The following NEO1 variants were observed in gnomAD, a reference collection of about 807,000 sequenced individuals.
The protein encoded by NEO1 is neogenin 1.
Under a neutral mutation model 159.7 loss-of-function variants are expected in NEO1, and 63 were observed. That is an observed-to-expected ratio of 0.39 (90% confidence interval 0.32 to 0.49). The LOEUF is 0.49. NEO1 is among the 20% of genes least tolerant of loss of function. The pLI is 0.85. For synonymous variants in NEO1, 633 were observed against 662.0 expected (o/e 0.96, Z 0.67); for missense variants, 1,615 against 1,831.0 (o/e 0.88, Z 2.15).
chr15:73,275,265 TTC>T (rs1284794657), intron 21 of NEO1, among the ~76,000 whole-genome samples: 1 of 152,228 alleles, frequency 6.6e-6, no homozygotes, highest in Non-Finnish European at 1.5e-5. Context: ...GCTTTGTTTA[TTC>T]TGTTACCATA....
intron 23 of NEO1, among the ~76,000 whole-genome samples, chr15:73,285,152 G>T (rs1052748601): frequency 6.6e-6 from 1 of 151,860 alleles, no homozygotes; most frequent in South Asian, 2.1e-4. Flanking sequence ...CAGGATTTTG[G>T]TCTGTCACCC....
chr15:73,157,755 C>T (rs2033884860), intron 5 of NEO1, among the ~76,000 whole-genome samples: 3 of 152,186 alleles, frequency 2.0e-5, no homozygotes, highest in Admixed American at 2.0e-4. Flanking sequence ...GCTGGAAATG[C>T]TTCTACTCAG....
intron 1 of NEO1, among the ~76,000 whole-genome samples, chr15:73,083,624 A>G (rs560427995): frequency 3.3e-5 from 5 of 152,090 alleles, no homozygotes; most frequent in South Asian, 2.1e-4. Context: ...AATATGTTTT[A>G]TATATGTTTT....
chr15:73,191,082 G>A lies in NEO1; in HGVS notation c.1291+12655G>A, dbSNP rs1011371912. Among the ~76,000 whole-genome samples, 8 of 152,072 alleles carry A rather than the reference G, an allele frequency of 5.3e-5. No homozygotes were observed. In the South Asian group the frequency reaches 1.2e-3, roughly 24 times the overall value. On this transcript the variant is annotated intron_variant, in intron 7 of 28. Coordinates refer to ENST00000261908, the MANE Select transcript of NEO1 (RefSeq NM_002499.4). ...ATATGTTGTTTGCAGACAGATTGAG[G>A]CATTTCCAGTTAATGATTTTATGTA...
chr15:73,076,552 A>G (rs1301682654), intron 1 of NEO1, among the ~76,000 whole-genome samples: 2 of 152,222 alleles, frequency 1.3e-5, no homozygotes, highest in African/African-American at 4.8e-5. Flanking sequence ...GACAGTAAGC[A>G]TGAGAGGACC....
At chr15:73,122,133 A>ATGT (rs59846331) in intron 2 of NEO1, among the ~76,000 whole-genome samples, 1 of 146,440 alleles carries the variant, frequency 6.8e-6, no homozygotes, top group South Asian at 2.1e-4. Flanking sequence ...AGCAATGAAT[A>ATGT]AAGACTAGAC....
chr15:73,225,539 G>T (rs755098743), intron 7 of NEO1, among the ~76,000 whole-genome samples: 1 of 152,098 alleles, frequency 6.6e-6, no homozygotes, highest in Non-Finnish European at 1.5e-5. Flanking sequence ...CATTATGGCT[G>T]CCTCTGCTGA....
chr15:73,117,293 G>T (rs1052123459), intron 2 of NEO1, among the ~76,000 whole-genome samples: 1 of 152,150 alleles, frequency 6.6e-6, no homozygotes, highest in Non-Finnish European at 1.5e-5. Flanking sequence ...TGGATTAATT[G>T]TTTTAAAATC....
chr15:73,065,544 A>G (rs544353097), intron 1 of NEO1, among the ~76,000 whole-genome samples: 69 of 152,294 alleles, frequency 4.5e-4, no homozygotes, highest in African/African-American at 1.5e-3. Context: ...ACTGAACTCT[A>G]TCTTTTCTAG....
intron 8 of NEO1, among the ~76,000 whole-genome samples, chr15:73,236,930 T>A (rs938087441): frequency 1.3e-5 from 2 of 152,182 alleles, no homozygotes; most frequent in African/African-American, 4.8e-5. Context: ...TGACTTTTCC[T>A]AAAATAGCAT....
intron 7 of NEO1, among the ~76,000 whole-genome samples, chr15:73,183,072 T>C (rs1270379785): frequency 3.3e-5 from 5 of 152,178 alleles, no homozygotes; most frequent in African/African-American, 1.2e-4. Flanking sequence ...AATGGGAGTT[T>C]ACACTTTCTT....
rs144600446 is a variant in NEO1 at position 73,178,312 on chromosome 15, A to G, written c.1176A>G (p.Glu392=). The change falls in exon 7 of 29, where the codon GAA becomes GAG. Residue 392 remains glutamate (E), a synonymous_variant. Coordinates refer to ENST00000261908, the MANE Select transcript of NEO1 (RefSeq NM_002499.4). The part of the protein sequence containing the change: ...IPSDYFKIVK[E]HNLQVLGLVK... ...TTTATGCTTTTCTTCTTCAGAAGGA[A>G]CATAATCTTCAAGTTTTGGGTCTGG... 1 of 1,612,136 alleles carries G rather than the reference A, an allele frequency of 6.2e-7. No homozygotes were observed. The highest frequency in any genetic ancestry group is 1.3e-5 in the African/African-American group (1 of 74,880).
chr15:73,079,361 TTACTC>T (rs1384180899), intron 1 of NEO1, among the ~76,000 whole-genome samples: 2 of 152,228 alleles, frequency 1.3e-5, no homozygotes, highest in Non-Finnish European at 2.9e-5. Flanking sequence ...ATGGCCAAAA[TTACTC>T]AAATCTTACT....
chr15:73,114,953 G>T (rs963711756), intron 1 of NEO1, among the ~76,000 whole-genome samples: 1 of 152,000 alleles, frequency 6.6e-6, no homozygotes, highest in Non-Finnish European at 1.5e-5. Flanking sequence ...GAAACTAATT[G>T]CAGGTTACTT....
chr15:73,305,116 T>C lies in NEO1; in HGVS notation c.*2420T>C, dbSNP rs1472440210. ...CACACTTGTTTGGCCTTTTCTGTAGTTGATGCTGTAAACTCTATGGCTTTT... is the reference window on the plus strand; with the variant it reads ...CACACTTGTTTGGCCTTTTCTGTAGCTGATGCTGTAAACTCTATGGCTTTT... On this transcript the variant is annotated 3_prime_UTR_variant, in exon 29 of 29. Coordinates refer to ENST00000261908, the MANE Select transcript of NEO1 (RefSeq NM_002499.4). 1 of 152,140 alleles carries C rather than the reference T, an allele frequency of 6.6e-6. No individual in the cohort carries two copies. Among genetic ancestry groups the C allele is most frequent in the East Asian group, 1.9e-4 (1 of 5,186 alleles). 9.4% of individuals were successfully genotyped at this position (152,140 alleles called of 1,614,324 possible).
At chr15:73,071,478 A>G (rs1457773885) in intron 1 of NEO1, among the ~76,000 whole-genome samples, 2 of 152,164 alleles carry the variant, frequency 1.3e-5, no homozygotes, top group Admixed American at 6.5e-5. Flanking sequence ...AATGTAATTT[A>G]TGTATGATGG....
intron 18 of NEO1, 32 bp downstream of exon 18, chr15:73,270,486 T>A: frequency 6.4e-7 from 1 of 1,572,662 alleles, no homozygotes; most frequent in Non-Finnish European, 8.6e-7. Context: ...GTCACATGGC[T>A]GCTTTTACTT....
chr15:73,216,185 T>C (rs1363418685), intron 7 of NEO1, among the ~76,000 whole-genome samples: 1 of 151,952 alleles, frequency 6.6e-6, no homozygotes, highest in Non-Finnish European at 1.5e-5. Flanking sequence ...ATGCAGTGTT[T>C]GGTTTTTTGT....
intron 7 of NEO1, among the ~76,000 whole-genome samples, chr15:73,206,769 T>A (rs1057158433): frequency 1.3e-5 from 2 of 152,232 alleles, no homozygotes; most frequent in Admixed American, 1.3e-4. Context: ...TTCTATCGTT[T>A]AAGAATTCTT....
Sources: allele counts gnomAD v4.1 joint callset (sites outside exome capture counted in the v4.1 genomes callset), GRCh38; gene constraint gnomAD v4.1.1; transcripts MANE v1.5; gene names NCBI Gene and HGNC (gene_info 2026-07-23, HGNC 2026-07-21).